The following DGKH variants were observed in gnomAD, a reference collection of about 807,000 sequenced individuals.
DGKH encodes the protein diacylglycerol kinase eta, also known as DAG kinase eta.
In DGKH, 90 loss-of-function variants were observed where a neutral mutation model predicts 159.3. The ratio of observed to expected loss-of-function variants is 0.57; its 90% CI spans 0.48 to 0.67. The LOEUF (loss-of-function observed/expected upper bound fraction) is 0.67. Ranked by LOEUF, DGKH falls within the 30% of genes least tolerant of loss-of-function variation. The pLI is 0.00. For missense variants in DGKH, 1,181 were observed against 1,506.1 expected (o/e 0.78, Z 3.57); for synonymous variants, 536 against 553.8 (o/e 0.97, Z 0.45).
chr13:42,088,750 G>T (rs1002286460), intron 1 of DGKH, among the ~76,000 whole-genome samples: 2 of 152,054 alleles, frequency 1.3e-5, no homozygotes, highest in African/African-American at 2.4e-5. Context: ...CAGCAAAATT[G>T]TAGATTTAAA....
chr13:42,194,103 G>A (rs964791436), intron 16 of DGKH, among the ~76,000 whole-genome samples: 7 of 152,082 alleles, frequency 4.6e-5, no homozygotes, highest in African/African-American at 7.2e-5. Context: ...GGAAAAATAC[G>A]TTCATTTCAC....
At chr13:42,070,210 T>A in intron 1 of DGKH, 1 of 1,034,238 alleles carries the variant, frequency 9.7e-7, no homozygotes, top group Non-Finnish European at 1.5e-6. Flanking sequence ...CAAAATTTGT[T>A]CCAGGAAATT....
Position 42,228,087 on chromosome 13 carries a change from C to T in DGKH, c.3574-1012C>T, listed in dbSNP as rs535504494. 5.8e-4 allele frequency among the ~76,000 whole-genome samples: 88 copies of T among 152,230 alleles called. No individual in the cohort carries two copies. The South Asian group carries it at 0.018, about 31-fold the overall frequency. ...AGAAACTAGGATTTGGAGGCCTTAA[C>T]TGTTTCTTTTAGTTTTTCAGACAGT... On this transcript the variant is annotated intron_variant, in intron 29 of 29. Transcript: ENST00000337343.
intron 1 of DGKH, among the ~76,000 whole-genome samples, chr13:42,110,770 A>G (rs868191903): frequency 3.3e-5 from 5 of 152,360 alleles, no homozygotes; most frequent in Non-Finnish European, 4.4e-5. Context: ...GTGGTAATGC[A>G]TGGTAGTTCA....
chr13:42,044,455 A>C (rs1011531199), upstream of DGKH, among the ~76,000 whole-genome samples: 1 of 151,874 alleles, frequency 6.6e-6, no homozygotes, highest in Non-Finnish European at 1.5e-5. Flanking sequence ...ATGCCTGGCT[A>C]ATTCTTTGTA....
chr13:42,256,380 A>T (rs1958657493), exon 31 of DGKH: 2 of 1,583,556 alleles, frequency 1.3e-6, no homozygotes, highest in Non-Finnish European at 1.7e-6. Context: ...ACAGCTCTCA[A>T]TCCTCGTATA....
chr13:42,129,304 A>T (rs1253451444), intron 2 of DGKH, among the ~76,000 whole-genome samples: 5 of 152,196 alleles, frequency 3.3e-5, no homozygotes, highest in Admixed American at 3.3e-4. Flanking sequence ...GCTTCCAGAG[A>T]GCACAGCACA....
At chr13:42,195,130 A>C in intron 17 of DGKH, 114 bp downstream of exon 17, 2 of 1,343,204 alleles carry the variant, frequency 1.5e-6, no homozygotes, top group Non-Finnish European at 2.0e-6. Flanking sequence ...CTTTAGTAGA[A>C]TGTTCTTGTT....
chr13:42,227,147 T>TGCC (rs903261081), intron 29 of DGKH, among the ~76,000 whole-genome samples: 3 of 152,132 alleles, frequency 2.0e-5, no homozygotes, highest in Admixed American at 6.5e-5. Context: ...AAATAGCTAA[T>TGCC]GCCTGTGGGG....
At chr13:42,172,809 G>A (rs1194151615) in intron 11 of DGKH, among the ~76,000 whole-genome samples, 1 of 151,908 alleles carries the variant, frequency 6.6e-6, no homozygotes, top group South Asian at 2.1e-4. Context: ...GAGTAGCTGG[G>A]ATTACAGGTG....
intron 12 of DGKH, 100 bp from the exon 13 acceptor site, chr13:42,178,035 C>A: frequency 1.4e-6 from 1 of 706,034 alleles, no homozygotes; most frequent in Non-Finnish European, 2.2e-6. Context: ...ATTGCCTTGC[C>A]TAAACATATG....
intron 1 of DGKH, among the ~76,000 whole-genome samples, chr13:42,090,115 T>C (rs939338073): frequency 6.6e-6 from 1 of 152,220 alleles, no homozygotes; most frequent in African/African-American, 2.4e-5. Flanking sequence ...ATGTGGCTAC[T>C]GGAGTGGGAC....
chr13:42,135,665 G>A (rs1955390108), intron 3 of DGKH, among the ~76,000 whole-genome samples: 1 of 151,982 alleles, frequency 6.6e-6, no homozygotes, highest in African/African-American at 2.4e-5. Flanking sequence ...ATGGTGTTCT[G>A]GAAGTTTCAT....
intron 13 of DGKH, among the ~76,000 whole-genome samples, chr13:42,180,550 C>T (rs1956724173): frequency 6.6e-6 from 1 of 152,202 alleles, no homozygotes; most frequent in Non-Finnish European, 1.5e-5. Context: ...CATCACCTCA[C>T]GTTTTACCCG....
intron 1 of DGKH, among the ~76,000 whole-genome samples, chr13:42,042,283 A>G (rs1351717694): frequency 1.3e-5 from 2 of 152,266 alleles, no homozygotes; most frequent in East Asian, 1.9e-4. Context: ...AGGAACCTGC[A>G]TACTTTAAGC....
chr13:42,151,578 TACACACACAC>T (rs60281789), intron 3 of DGKH, among the ~76,000 whole-genome samples: 9,154 of 92,896 alleles, frequency 0.099, 315 homozygotes, highest in South Asian at 0.19. Context: ...CTTATATGTA[TACACACACAC>T]ACACACACAC....
At chr13:42,150,515 A>G (rs1321823455) in intron 3 of DGKH, among the ~76,000 whole-genome samples, 1 of 152,224 alleles carries the variant, frequency 6.6e-6, no homozygotes, top group Non-Finnish European at 1.5e-5. Context: ...GATGGTGAAT[A>G]TGATCATATT....
rs1958412630 is a variant in DGKH, at chr13:42,236,373, G to A, written c.*7185G>A. On this transcript the variant is annotated 3_prime_UTR_variant, in exon 30 of 30. Transcript: ENST00000337343. ...AAAAACTGTATTCTTTACTGCAATA[G>A]ATAGCGGAATAGTAATAGACACTTT... 1 of 152,076 alleles carries A rather than the reference G, an allele frequency of 6.6e-6. No individual in the cohort carries two copies. The highest frequency in any genetic ancestry group is 2.4e-5 in the African/African-American group (1 of 41,414). The allele number at this position is 152,076 out of a possible 1,614,324, so 9.4% of individuals were successfully genotyped here. A position where few individuals can be genotyped will look rare whatever the true frequency, so the allele number is the denominator to read the frequency against.
intron 1 of DGKH, among the ~76,000 whole-genome samples, chr13:42,089,220 A>G (rs1320264452): frequency 6.6e-6 from 1 of 152,234 alleles, no homozygotes; most frequent in Non-Finnish European, 1.5e-5. Flanking sequence ...GACAAAAATC[A>G]GTAAGGATAT....
Sources: gnomAD v4.1 joint callset for allele counts (sites outside exome capture counted in the v4.1 genomes callset) on GRCh38, gnomAD v4.1.1 for gene constraint, MANE v1.5 for transcripts, NCBI Gene and HGNC (gene_info 2026-07-23, HGNC 2026-07-21) for gene names.